QSER1: variants seen among roughly 807,000 people sequenced by gnomAD.
QSER1 encodes glutamine and serine rich 1.
In QSER1, 49 loss-of-function variants were observed where a neutral mutation model predicts 158.5. That is an observed-to-expected ratio of 0.31 (90% CI 0.25 to 0.39). QSER1 has a LOEUF of 0.39. Among genes scored for constraint, QSER1 ranks in the 10% least tolerant of loss-of-function variants. The pLI is 1.00. For missense variants in QSER1, 1,754 were observed against 2,010.3 expected, an observed-to-expected ratio of 0.87 and a Z score of 2.44; for synonymous variants, 650 against 715.5, an observed-to-expected ratio of 0.91 and a Z score of 1.46.
intron 1 of QSER1, among the ~76,000 whole-genome samples, chr11:32,899,975 C>T (rs1335084277): frequency 6.6e-6 from 1 of 152,144 alleles, no homozygotes; most frequent in Non-Finnish European, 1.5e-5. Flanking sequence ...GCCTTCCCCA[C>T]CTCAGTAATT....
At chr11:32,959,495 C>T (rs774551844) in intron 8 of QSER1, among the ~76,000 whole-genome samples, 4 of 152,152 alleles carry the variant, frequency 2.6e-5, no homozygotes, top group Non-Finnish European at 4.4e-5. Context: ...AATTACAAGA[C>T]ATAATTCAGG....
chr11:32,961,442 A>C (rs1852622969), intron 8 of QSER1, among the ~76,000 whole-genome samples: 1 of 152,184 alleles, frequency 6.6e-6, no homozygotes, highest in African/African-American at 2.4e-5. Flanking sequence ...ATCTTCCAAT[A>C]ATTAATTTTT....
chr11:32,912,590 T>C (rs1851781230), intron 1 of QSER1, among the ~76,000 whole-genome samples: 1 of 152,038 alleles, frequency 6.6e-6, no homozygotes, highest in African/African-American at 2.4e-5. Context: ...AACCAGGCGA[T>C]GCTGATGAGC....
At chr11:32,905,478 G>A (rs1322954717) in intron 1 of QSER1, among the ~76,000 whole-genome samples, 1 of 152,210 alleles carries the variant, frequency 6.6e-6, no homozygotes, top group African/African-American at 2.4e-5. Context: ...AGGGACTGGT[G>A]GAATGATGTC....
chr11:32,938,815 A>G (rs1317213867), intron 4 of QSER1, among the ~76,000 whole-genome samples: 3 of 152,174 alleles, frequency 2.0e-5, no homozygotes, highest in African/African-American at 4.8e-5. Context: ...TACTTGCAGT[A>G]TAGGAGTTGG....
intron 4 of QSER1, among the ~76,000 whole-genome samples, chr11:32,937,241 G>T (rs551641544): frequency 6.6e-6 from 1 of 152,054 alleles, no homozygotes; most frequent in African/African-American, 2.4e-5. Flanking sequence ...TTTGTCACTT[G>T]GACTATTGCA....
At chr11:32,947,663 A>G (rs1295014138) in intron 4 of QSER1, among the ~76,000 whole-genome samples, 1 of 152,118 alleles carries the variant, frequency 6.6e-6, no homozygotes, top group East Asian at 1.9e-4. Context: ...TAATAATAAA[A>G]AGTTTTAAAA....
In QSER1 at chr11:32,934,626, C is replaced by T. The variant is rs1330097832; in HGVS notation, c.3368C>T (p.Pro1123Leu). 1.9e-6 allele frequency: 3 copies of T among 1,613,702 alleles called. No homozygotes were observed. Among genetic ancestry groups the T allele is most frequent in the Admixed American group, 1.7e-5 (1 of 59,972 alleles). Residue 1123 changes from proline to leucine, a missense_variant, in exon 4 of 13, where the codon CCT becomes CTT. This residue lies in a region of QSER1 where 1,707 missense variants were observed against 1,919.6 expected (regional missense o/e 0.89). Transcript: ENST00000650167. Reference protein sequence around the residue: ...NLESEEDSEAPVDSTLNNNRN... With the variant: ...NLESEEDSEALVDSTLNNNRN... ...GAATCTGAAGAAGACAGTGAAGCTC[C>T]TGTTGATAGTACATTAAATAATAAC...
rs747718600 is a variant in QSER1, at chr11:32,933,013, T to G, written c.1755T>G (p.Leu585=). The G allele has an allele frequency of 1.2e-6, 2 of 1,612,386 alleles. No individual in the cohort carries two copies. Among genetic ancestry groups the G allele is most frequent in the Admixed American group, 1.7e-5 (1 of 60,012 alleles). The change falls in exon 4 of 13, where the codon CTT becomes CTG. Residue 585 remains leucine (L), a synonymous_variant. Coordinates refer to ENST00000650167, the MANE Select transcript of QSER1 (RefSeq NM_001076786.3). ...SQSQVLSVVS[L]SESYASGESL... The stretch of plus-strand genomic sequence containing the variant: ...CACAAGTTTTGTCAGTTGTTAGTCT[T>G]TCAGAAAGCTATGCTTCAGGGGAGT...
Position 32,932,894 on chromosome 11 carries a change from C to T in QSER1, c.1636C>T (p.Leu546=). The T allele has an allele frequency of 1.2e-6, 2 of 1,614,084 alleles. No individual in the cohort carries two copies. The highest frequency in any genetic ancestry group is 1.7e-6 in the Non-Finnish European group (2 of 1,180,020). ...NENYPAQTRD[L]SSVSQSQSYS... ...GAATTACCCTGCTCAAACAAGAGAT[C>T]TGTCTTCAGTAAGTCAGTCTCAAAG... Residue 546 remains leucine, a synonymous_variant, in exon 4 of 13, where the codon CTG becomes TTG. Transcript: ENST00000650167.
In QSER1 at chr11:32,934,629, T is replaced by C. The variant is rs1275121155; in HGVS notation, c.3371T>C (p.Val1124Ala). Residue 1124 changes from valine to alanine, a missense_variant, in exon 4 of 13, where the codon GTT (valine) becomes GCT (alanine). Val to Ala is a moderately conservative substitution (Grantham distance 64). This residue lies in a region of QSER1 where 1,707 missense variants were observed against 1,919.6 expected (regional missense o/e 0.89). Coordinates refer to ENST00000650167, the MANE Select transcript of QSER1 (RefSeq NM_001076786.3). Reference protein sequence around the residue: ...LESEEDSEAPVDSTLNNNRNQ... With the variant: ...LESEEDSEAPADSTLNNNRNQ... ...TCTGAAGAAGACAGTGAAGCTCCTG[T>C]TGATAGTACATTAAATAATAACAGA... The C allele has an allele frequency of 1.9e-6, 3 of 1,613,756 alleles. No individual in the cohort carries two copies. The highest frequency in any genetic ancestry group is 2.5e-6 in the Non-Finnish European group (3 of 1,179,982).
rs1232502448 is a variant in QSER1, at chr11:32,893,434, G to C, written c.209+100G>C. 2 of 152,332 alleles carry C rather than the reference G, an allele frequency of 1.3e-5. No individual in the cohort carries two copies. The highest frequency in any genetic ancestry group is 2.9e-5 in the Non-Finnish European group (2 of 68,144). The allele number at this position is 152,332 out of a possible 1,614,324, so 9.4% of individuals were successfully genotyped here. On this transcript the variant is annotated intron_variant, in intron 1 of 12. Coordinates refer to ENST00000650167, the MANE Select transcript of QSER1 (RefSeq NM_001076786.3). The surrounding 1 kb of genome is among the most constrained non-coding windows in gnomAD (Gnocchi z 4.7). ...CAGCGCCGCCCAGAGGTCTGGGCCG[G>C]GCGGGGAGCCCTCCGCTCGCCCTCG...
intron 10 of QSER1, 39 bp downstream of exon 10, chr11:32,969,182 C>CA: frequency 1.8e-6 from 2 of 1,116,606 alleles, no homozygotes; most frequent in Non-Finnish European, 2.7e-6. Flanking sequence ...AACTCAATGG[C>CA]AGTCATAGTC....
intron 8 of QSER1, among the ~76,000 whole-genome samples, chr11:32,963,844 T>C (rs1016279981): frequency 6.6e-6 from 1 of 151,014 alleles, no homozygotes; most frequent in Non-Finnish European, 1.5e-5. Flanking sequence ...TTTTAAAGTT[T>C]TTTGTAGAGA....
chr11:32,968,710 G>A (rs551319800), intron 9 of QSER1, among the ~76,000 whole-genome samples: 12 of 152,284 alleles, frequency 7.9e-5, no homozygotes, highest in Non-Finnish European at 1.6e-4. Flanking sequence ...TTGCCTATTC[G>A]TCACATAGCT....
intron 6 of QSER1, 24 bp from the exon 7 acceptor site, chr11:32,955,964 A>C (rs551200931): frequency 6.3e-7 from 1 of 1,588,156 alleles, no homozygotes; most frequent in Non-Finnish European, 8.6e-7. Flanking sequence ...TCAATTATGT[A>C]ACTCAAAGTG....
At chr11:32,904,629 C>T (rs1012510924) in intron 1 of QSER1, among the ~76,000 whole-genome samples, 2 of 142,584 alleles carry the variant, frequency 1.4e-5, no homozygotes, top group African/African-American at 5.4e-5. Context: ...TTTGCAGAAC[C>T]ATCTTCTCTT....
Position 32,976,548 on chromosome 11 carries a change from T to G in QSER1, c.*74T>G, listed in dbSNP as rs1852981823. 3.3e-6 allele frequency: 5 copies of G among 1,502,850 alleles called. No individual in the cohort carries two copies. The highest frequency in any genetic ancestry group is 4.6e-6 in the Non-Finnish European group (5 of 1,096,260). The allele number at this position is 1,502,850 out of a possible 1,614,324, so 93.1% of individuals were successfully genotyped here. On this transcript the variant is annotated 3_prime_UTR_variant, in exon 13 of 13. Transcript: ENST00000650167. ...TATGGGGTGGTCAAAGATAATCAGA[T>G]GTCAAGTAGTGGCCTTCTGCAGGCC...
intron 10 of QSER1, 145 bp downstream of exon 10, chr11:32,969,288 G>C (rs1852807128): frequency 1.7e-6 from 1 of 586,570 alleles, no homozygotes; most frequent in Non-Finnish European, 2.9e-6. Flanking sequence ...AGTCCATTTA[G>C]TTTGTCTGCT....
Sources: gnomAD v4.1 joint callset for allele counts (sites outside exome capture counted in the v4.1 genomes callset) on GRCh38, gnomAD v4.1.1 for gene constraint, gnomAD v4.1.1 regional missense constraint, Gnocchi (gnomAD v3.1) non-coding constraint, MANE v1.5 for transcripts, NCBI Gene and HGNC (gene_info 2026-07-23, HGNC 2026-07-21) for gene names.